The following SLC35F4 variants were observed in gnomAD, a reference collection of about 807,000 sequenced individuals.
SLC35F4 encodes the protein chromosome 14 open reading frame 36.
A neutral mutation model predicts 44.2 loss-of-function variants in SLC35F4; 24 were observed. The ratio of observed to expected loss-of-function variants is 0.54; its 90% CI spans 0.39 to 0.76. The LOEUF (loss-of-function observed/expected upper bound fraction) is 0.76. Ranked by LOEUF, SLC35F4 falls within the 30% of genes least tolerant of loss-of-function variation. The pLI is 0.00. For missense variants in SLC35F4, 562 were observed against 586.1 expected, an observed-to-expected ratio of 0.96 and a Z score of 0.42; for synonymous variants, 238 against 223.6, an observed-to-expected ratio of 1.06 and a Z score of -0.57.
chr14:57,715,309 C>T (rs776425711), intron 1 of SLC35F4, among the ~76,000 whole-genome samples: 53 of 152,210 alleles, frequency 3.5e-4, no homozygotes, highest in South Asian at 2.1e-4. Flanking sequence ...GGAAAATTAC[C>T]CAGAAGTGAT....
At chr14:57,721,489 CT>C (rs2076084488) in intron 1 of SLC35F4, among the ~76,000 whole-genome samples, 1 of 152,142 alleles carries the variant, frequency 6.6e-6, no homozygotes, top group South Asian at 2.1e-4. Flanking sequence ...CTCAAATCTG[CT>C]AATATCACCT....
At chr14:57,736,634 C>G (rs995683739) in intron 1 of SLC35F4, among the ~76,000 whole-genome samples, 2 of 152,180 alleles carry the variant, frequency 1.3e-5, no homozygotes, top group African/African-American at 4.8e-5. Context: ...GACTGGTACT[C>G]AGAAAACTGG....
chr14:57,581,384 G>T lies in SLC35F4; in HGVS notation c.637C>A (p.Leu213Ile), dbSNP rs868501894. 3 of 1,612,932 alleles carry T rather than the reference G, an allele frequency of 1.9e-6. No individual in the cohort carries two copies. Among genetic ancestry groups the T allele is most frequent in the Admixed American group, 3.3e-5 (2 of 59,870 alleles). Residue 213 changes from leucine to isoleucine, a missense_variant, in exon 4 of 8, where the codon CTT becomes ATT. Leu to Ile is a conservative substitution (Grantham distance 5). Transcript: ENST00000556826. ...GEDGLTLKLF[L>I]KRTAPFSILW... Reference sequence around the variant, plus strand: ...ATAGAAAAGGGAGCAGTTCTTTTAAGAAAGAGTTTCAGCGTCAGACCATCT... The same window carrying T: ...ATAGAAAAGGGAGCAGTTCTTTTAATAAAGAGTTTCAGCGTCAGACCATCT...
At chr14:57,613,296 G>A (rs1179570405) in intron 1 of SLC35F4, among the ~76,000 whole-genome samples, 1 of 152,196 alleles carries the variant, frequency 6.6e-6, no homozygotes, top group African/African-American at 2.4e-5. Flanking sequence ...TTTATTGTGT[G>A]TCTGACTCCA....
chr14:57,770,803 T>G (rs562258191), intron 1 of SLC35F4, among the ~76,000 whole-genome samples: 1 of 152,330 alleles, frequency 6.6e-6, no homozygotes, highest in Admixed American at 6.5e-5. Flanking sequence ...TTCAGGACAA[T>G]TTATTATCGT....
chr14:57,786,447 A>G lies in SLC35F4; in HGVS notation c.103+79276T>C, dbSNP rs112983089. Among the ~76,000 whole-genome samples, 196 of 152,270 alleles carry G rather than the reference A, an allele frequency of 1.3e-3. 2 individuals carry two copies. Among genetic ancestry groups the G allele is most frequent in the African/African-American group, 4.4e-3 (183 of 41,576 alleles). On this transcript the variant is annotated intron_variant, in intron 1 of 7. Transcript: ENST00000556826. The stretch of plus-strand genomic sequence containing the variant: ...GCTCTCTGGAAAGTGCCACCTCCTC[A>G]CAGGAGGCCAACTGGCACAAAAACC...
At chr14:57,769,660 A>T (rs998151693) in intron 1 of SLC35F4, among the ~76,000 whole-genome samples, 1 of 152,180 alleles carries the variant, frequency 6.6e-6, no homozygotes, top group Non-Finnish European at 1.5e-5. Context: ...AACCAGAAAA[A>T]CTTAGTCAGT....
intron 1 of SLC35F4, among the ~76,000 whole-genome samples, chr14:57,810,224 G>T (rs987131382): frequency 6.6e-6 from 1 of 151,962 alleles, no homozygotes; most frequent in African/African-American, 2.4e-5. Flanking sequence ...CTAAATTCTT[G>T]CTCCCCCCAC....
chr14:57,653,399 G>T (rs550287033), intron 1 of SLC35F4, among the ~76,000 whole-genome samples: 1 of 152,154 alleles, frequency 6.6e-6, no homozygotes, highest in Non-Finnish European at 1.5e-5. Flanking sequence ...TGCTAAAGAA[G>T]CAAGTGCCTG....
chr14:57,948,677 T>A (rs1055278798), intron 1 of SLC35F4, among the ~76,000 whole-genome samples: 6 of 152,190 alleles, frequency 3.9e-5, no homozygotes, highest in African/African-American at 1.4e-4. Flanking sequence ...TTTAATGCTA[T>A]AAACTTTCCT....
intron 1 of SLC35F4, among the ~76,000 whole-genome samples, chr14:57,783,388 C>T (rs757625580): frequency 2.6e-5 from 4 of 151,558 alleles, no homozygotes; most frequent in Middle Eastern, 3.4e-3. Flanking sequence ...AGACAACAGT[C>T]TCCTATTCTG....
At chr14:57,618,580 G>T (rs755732861) in intron 1 of SLC35F4, among the ~76,000 whole-genome samples, 2 of 152,138 alleles carry the variant, frequency 1.3e-5, no homozygotes, top group Non-Finnish European at 2.9e-5. Flanking sequence ...ACACCACCAG[G>T]GCCCTGGATT....
chr14:57,576,097 C>T (rs539403611), intron 4 of SLC35F4, among the ~76,000 whole-genome samples: 41 of 152,144 alleles, frequency 2.7e-4, no homozygotes, highest in African/African-American at 9.4e-4. Context: ...ATCCCATTCA[C>T]TATGGTTCCC....
intron 1 of SLC35F4, among the ~76,000 whole-genome samples, chr14:57,623,668 A>G (rs2072317868): frequency 6.6e-6 from 1 of 152,212 alleles, no homozygotes; most frequent in Non-Finnish European, 1.5e-5. Context: ...CCACACAACT[A>G]CATGGAAACT....
At chr14:57,708,956 A>C (rs1406214148) in intron 1 of SLC35F4, among the ~76,000 whole-genome samples, 1 of 152,202 alleles carries the variant, frequency 6.6e-6, no homozygotes, top group East Asian at 1.9e-4. Flanking sequence ...TCTGCATATC[A>C]GAGACTTTTA....
rs1431671944 is a variant in SLC35F4 at position 57,754,380 on chromosome 14, C to G, written c.103+111343G>C. 2.0e-5 allele frequency among the ~76,000 whole-genome samples: 3 copies of G among 152,134 alleles called. No individual in the cohort carries two copies. In the East Asian group the frequency reaches 5.8e-4, roughly 29 times the overall value. Reference sequence around the variant, plus strand: ...TTGGCCTCCCAAAGTACTGGGATTACAGGCTTGAGCCACCACGCCTGGAAA... The same window carrying G: ...TTGGCCTCCCAAAGTACTGGGATTAGAGGCTTGAGCCACCACGCCTGGAAA... On this transcript the variant is annotated intron_variant, in intron 1 of 7. Coordinates refer to ENST00000556826, the MANE Select transcript of SLC35F4 (RefSeq NM_001306087.2).
intron 1 of SLC35F4, among the ~76,000 whole-genome samples, chr14:57,746,581 G>A (rs1353404139): frequency 6.6e-6 from 1 of 152,056 alleles, no homozygotes; most frequent in Admixed American, 6.6e-5. Flanking sequence ...TCTATTTCAT[G>A]AGGGATATCA....
chr14:57,882,582 A>G (rs1888558479), intron 1 of SLC35F4, among the ~76,000 whole-genome samples: 2 of 152,176 alleles, frequency 1.3e-5, no homozygotes. Context: ...ACAATCTAGC[A>G]TTATCAGGCC....
chr14:57,700,508 A>G (rs2075506906), intron 1 of SLC35F4, among the ~76,000 whole-genome samples: 1 of 152,336 alleles, frequency 6.6e-6, no homozygotes, highest in South Asian at 2.1e-4. Flanking sequence ...CATTAATAAT[A>G]ACTTTAGTTT....
Sources: allele counts gnomAD v4.1 joint callset (sites outside exome capture counted in the v4.1 genomes callset), GRCh38; gene constraint gnomAD v4.1.1; transcripts MANE v1.5; gene names NCBI Gene and HGNC (gene_info 2026-07-23, HGNC 2026-07-21).